The following BMS1 variants were observed in gnomAD, a reference collection of about 807,000 sequenced individuals.
The protein encoded by BMS1 is BMS1 ribosome biogenesis factor.
A neutral mutation model predicts 138.7 loss-of-function variants in BMS1; 53 were observed. That is an observed-to-expected ratio of 0.38 (90% CI 0.31 to 0.48). BMS1 has a LOEUF of 0.48. Among genes scored for constraint, BMS1 ranks in the 20% least tolerant of loss-of-function variants. BMS1 has a pLI of 0.97. For synonymous variants in BMS1, 504 were observed against 539.9 expected, an observed-to-expected ratio of 0.93 and a Z score of 0.92; for missense variants, 1,360 against 1,565.5, an observed-to-expected ratio of 0.87 and a Z score of 2.22.
Position 42,834,802 on chromosome 10 carries a change from C to T in BMS1, c.*3706C>T, listed in dbSNP as rs1842846570. 1 of 151,982 alleles carries T rather than the reference C, an allele frequency of 6.6e-6. No individual in the cohort carries two copies. Among genetic ancestry groups the T allele is most frequent in the African/African-American group, 2.4e-5 (1 of 41,386 alleles). 9.4% of individuals were successfully genotyped at this position (151,982 alleles called of 1,614,324 possible). A position where few individuals can be genotyped will look rare whatever the true frequency, so the allele number is the denominator to read the frequency against. ...TGTAGAGAGAAAAGGATGTGTCATA[C>T]ATTTAGACCAGGTGGCCTGTCCTGT... On this transcript the variant is annotated 3_prime_UTR_variant, in exon 23 of 23. Transcript: ENST00000374518.
At chr10:42,793,621 C>T (rs1841582383) in intron 8 of BMS1, among the ~76,000 whole-genome samples, 2 of 152,230 alleles carry the variant, frequency 1.3e-5, no homozygotes, top group African/African-American at 4.8e-5. Context: ...GTTTTTCTAG[C>T]TAGGTTGTTT....
intron 19 of BMS1, among the ~76,000 whole-genome samples, chr10:42,822,884 A>G (rs1275577630): frequency 6.6e-6 from 1 of 152,212 alleles, no homozygotes; most frequent in Non-Finnish European, 1.5e-5. Flanking sequence ...TTCCACACAG[A>G]CAGCGGTGAT....
intron 6 of BMS1, among the ~76,000 whole-genome samples, chr10:42,792,196 C>T (rs1194917202): frequency 6.6e-6 from 1 of 152,150 alleles, no homozygotes; most frequent in Non-Finnish European, 1.5e-5. Context: ...CACAGGCTCG[C>T]CCTCTTCCAG....
chr10:42,806,730 G>A lies in BMS1; in HGVS notation c.2329+4512G>A, dbSNP rs1268187223. Among the ~76,000 whole-genome samples, 8 of 123,632 alleles carry A rather than the reference G, an allele frequency of 6.5e-5. No homozygotes were observed. In the East Asian group the frequency reaches 1.2e-3, roughly 18 times the overall value. The allele number at this position is 123,632 out of a possible 152,430, so 81.1% of individuals were successfully genotyped here. On this transcript the variant is annotated intron_variant, in intron 13 of 22. Coordinates refer to ENST00000374518, the MANE Select transcript of BMS1 (RefSeq NM_014753.4). ...AGCCTGGGCGACAGCACGAGACTCC[G>A]TCTCAGGAAAAAAAAAAAAAAAAAA...
chr10:42,817,414 G>T lies in BMS1; in HGVS notation c.2500G>T (p.Glu834Ter). 1.2e-6 allele frequency: 2 copies of T among 1,609,672 alleles called. No individual in the cohort carries two copies. The highest frequency in any genetic ancestry group is 1.7e-6 in the Non-Finnish European group (2 of 1,179,310). The change falls in exon 15 of 23, where the codon GAG (glutamate) becomes TAG (stop). Residue 834 changes from glutamate to a stop codon, truncating the protein, a stop_gained. Transcript: ENST00000374518. LOFTEE classifies it high-confidence loss of function. Reference protein sequence around the residue: ...KHLDKKRKLKEMFDAEYDEGE... With the variant: ...KHLDKKRKLK ...TTTGGATAAGAAGAGAAAATTGAAG[G>T]AGATGTTTGATGCAGAATATGATGA...
chr10:42,809,300 G>C (rs1842099722), intron 13 of BMS1, among the ~76,000 whole-genome samples: 1 of 152,050 alleles, frequency 6.6e-6, no homozygotes, highest in Admixed American at 6.6e-5. Context: ...GTTGTAGGAG[G>C]GTTTTGTTTT....
At chr10:42,817,248 TA>T in intron 14 of BMS1, 69 bp from the exon 15 acceptor site, 2 of 1,232,102 alleles carry the variant, frequency 1.6e-6, no homozygotes, top group Non-Finnish European at 2.3e-6. Flanking sequence ...AATAGAACTT[TA>T]AAAAAGCTAA....
chr10:42,810,519 A>T (rs1229315192), intron 13 of BMS1, among the ~76,000 whole-genome samples: 2 of 152,194 alleles, frequency 1.3e-5, no homozygotes, highest in African/African-American at 4.8e-5. Flanking sequence ...TAGCCTCATA[A>T]AATGAGTTGC....
intron 21 of BMS1, among the ~76,000 whole-genome samples, chr10:42,829,324 T>A (rs1227992854): frequency 6.6e-6 from 1 of 150,910 alleles, no homozygotes; most frequent in Non-Finnish European, 1.5e-5. Context: ...AAAAAAAGAA[T>A]TTGGGTCATC....
chr10:42,795,275 C>T (rs1841643165), intron 9 of BMS1, among the ~76,000 whole-genome samples: 3 of 151,828 alleles, frequency 2.0e-5, no homozygotes, highest in Middle Eastern at 3.2e-3. Context: ...TTGTCATTTC[C>T]TTCTTCTATA....
At position 42,785,632 on chromosome 10, in the gene BMS1, G is replaced by A; in HGVS notation, c.327G>A (p.Gln109=). 1 of 1,613,968 alleles carries A rather than the reference G, an allele frequency of 6.2e-7. No individual in the cohort carries two copies. The highest frequency in any genetic ancestry group is 8.5e-7 in the Non-Finnish European group (1 of 1,179,860). The change falls in exon 3 of 23, where the codon CAG becomes CAA. Residue 109 remains glutamine (Q), a synonymous_variant. Coordinates refer to ENST00000374518, the MANE Select transcript of BMS1 (RefSeq NM_014753.4). ...IQCLIRNFTR[Q]KLTEIRGPVT... is the part of the protein sequence containing the mutation. ...GCCTCATTCGGAACTTTACCCGGCA[G>A]AAGTTGACTGAGATCAGAGGCCCTG...
At chr10:42,829,949 A>T (rs1842754742) in intron 21 of BMS1, among the ~76,000 whole-genome samples, 1 of 152,242 alleles carries the variant, frequency 6.6e-6, no homozygotes, top group African/African-American at 2.4e-5. Flanking sequence ...AATTTCCATG[A>T]AAAGAAACTG....
In BMS1 at chr10:42,785,506, G is replaced by C. The variant is rs1325643446; in HGVS notation, c.201G>C (p.Lys67Asn). The change falls in exon 3 of 23, where the codon AAG (lysine) becomes AAC (asparagine). Residue 67 changes from lysine to asparagine, a missense_variant. Physicochemically the swap from Lys to Asn is moderately conservative, Grantham distance 94. Around this residue, in one of 3 missense-constraint regions of BMS1, gnomAD observed 238 missense variants for 311.1 expected, o/e 0.77. Transcript: ENST00000374518. ...FHRTQDLKTKKHHIPVVDRTP... is the reference protein window; with the variant it reads ...FHRTQDLKTKNHHIPVVDRTP... ...GGACTCAGGATTTGAAGACAAAAAA[G>C]CATCATATTCCAGTGGTTGATCGAA... 6.2e-6 allele frequency: 10 copies of C among 1,609,544 alleles called. No homozygotes were observed. The highest frequency in any genetic ancestry group is 8.5e-6 in the Non-Finnish European group (10 of 1,178,006).
At chr10:42,792,406 C>A in intron 6 of BMS1, 87 bp from the exon 7 acceptor site, 1 of 1,531,292 alleles carries the variant, frequency 6.5e-7, no homozygotes, top group South Asian at 1.2e-5. Flanking sequence ...GCTTAATGGA[C>A]AAGAGTGTGA....
chr10:42,827,135 T>A (rs1252854160), intron 21 of BMS1, among the ~76,000 whole-genome samples: 1 of 152,086 alleles, frequency 6.6e-6, no homozygotes, highest in African/African-American at 2.4e-5. Flanking sequence ...CAGAGTGAGT[T>A]CAGCTTCCTA....
chr10:42,798,393 T>A, intron 11 of BMS1, 75 bp from the exon 12 acceptor site: 2 of 1,575,618 alleles, frequency 1.3e-6, no homozygotes, highest in Non-Finnish European at 1.7e-6. Flanking sequence ...ACTCATGGCC[T>A]AACTGGTTGA....
chr10:42,797,313 G>C, intron 10 of BMS1, 82 bp downstream of exon 10: 9 of 1,577,150 alleles, frequency 5.7e-6, no homozygotes, highest in Non-Finnish European at 7.8e-6. Flanking sequence ...TTAGGGGTCT[G>C]TTGATTCTGT....
chr10:42,786,715 T>G (rs1841341973), intron 3 of BMS1, among the ~76,000 whole-genome samples: 1 of 152,128 alleles, frequency 6.6e-6, no homozygotes, highest in South Asian at 2.1e-4. Flanking sequence ...CGAGAGCTAC[T>G]GTGCCCAGCC....
At chr10:42,786,930 C>T (rs1046448372) in intron 3 of BMS1, among the ~76,000 whole-genome samples, 1 of 152,114 alleles carries the variant, frequency 6.6e-6, no homozygotes, top group Non-Finnish European at 1.5e-5. Flanking sequence ...CCTTTTTGAG[C>T]ACTTTTATTC....
Sources: allele counts gnomAD v4.1 joint callset (sites outside exome capture counted in the v4.1 genomes callset), GRCh38; gene constraint gnomAD v4.1.1; regional missense constraint gnomAD v4.1.1; transcripts MANE v1.5; gene names NCBI Gene and HGNC (gene_info 2026-07-23, HGNC 2026-07-21).